The following ELAPOR1 variants were observed in gnomAD, a reference collection of about 807,000 sequenced individuals.
The protein encoded by ELAPOR1 is endosome/lysosome-associated apoptosis and autophagy regulator 1.
A neutral mutation model predicts 119.7 loss-of-function variants in ELAPOR1; 77 were observed. The observed-to-expected ratio is 0.64, with a 90% CI of 0.54 to 0.78. ELAPOR1 has a LOEUF of 0.78. Ranked by LOEUF, ELAPOR1 falls within the 30% of genes least tolerant of loss-of-function variation. ELAPOR1 has a pLI of 0.00. For synonymous variants in ELAPOR1, 481 were observed against 487.2 expected (o/e 0.99, Z 0.17); for missense variants, 1,115 against 1,270.4 (o/e 0.88, Z 1.86).
intron 1 of ELAPOR1, among the ~76,000 whole-genome samples, chr1:109,139,157 C>A (rs536943071): frequency 3.9e-5 from 6 of 151,982 alleles, no homozygotes; most frequent in African/African-American, 1.2e-4. Context: ...TAGAGACCAG[C>A]CTGGGTAACA....
chr1:109,201,408 G>A (rs1320796450), intron 21 of ELAPOR1: 2 of 455,222 alleles, frequency 4.4e-6, no homozygotes, highest in Non-Finnish European at 4.4e-6. Context: ...GGCTGGCTTT[G>A]TGTGGGTGGG....
rs149200172 is a variant in ELAPOR1, at chr1:109,171,883, G to A, written c.485G>A (p.Arg162Gln). 864 of 1,614,160 alleles carry A rather than the reference G, an allele frequency of 5.4e-4. 4 individuals carry two copies. The East Asian group carries it at 8.2e-3, about 15-fold the overall frequency. ...CTTCACAGGTCCAAGTGGGTTCCCC[G>A]GGGCGACTACATCGCCTCCAACACG... Reference protein sequence around the residue: ...GNCTSSKWVPRGDYIASNTDE... With the variant: ...GNCTSSKWVPQGDYIASNTDE... The change falls in exon 4 of 22, where the codon CGG becomes CAG. Residue 162 changes from arginine (R) to glutamine (Q), a missense_variant. Coordinates refer to ENST00000369939, the MANE Select transcript of ELAPOR1 (RefSeq NM_020775.5).
chr1:109,201,218 C>T (rs1654154590), intron 21 of ELAPOR1: 1 of 474,446 alleles, frequency 2.1e-6, no homozygotes, highest in Non-Finnish European at 4.1e-6. Context: ...ATCCCCTACT[C>T]CTTTTTTTAT....
At position 109,165,229 on chromosome 1, in the gene ELAPOR1, T is replaced by C. The variant is rs193195342; in HGVS notation, c.467+538T>C. On this transcript the variant is annotated intron_variant, in intron 3 of 21. Coordinates refer to ENST00000369939, the MANE Select transcript of ELAPOR1 (RefSeq NM_020775.5). Reference sequence around the variant, plus strand: ...ATAACTTGAGCCTAGGAGTTCAAGGTTAGACTGAGCTATGACCGCACCACT... The same window carrying C: ...ATAACTTGAGCCTAGGAGTTCAAGGCTAGACTGAGCTATGACCGCACCACT... Among the ~76,000 whole-genome samples the C allele has an allele frequency of 1.5e-3, 226 of 152,088 alleles. 1 individual carries two copies. The highest frequency in any genetic ancestry group is 5.2e-3 in the African/African-American group (217 of 41,476).
intron 7 of ELAPOR1, among the ~76,000 whole-genome samples, chr1:109,177,694 G>T (rs1051233180): frequency 1.3e-5 from 2 of 152,032 alleles, no homozygotes; most frequent in Non-Finnish European, 2.9e-5. Flanking sequence ...TTATCTGTAA[G>T]TCTAGATTCC....
intron 7 of ELAPOR1, among the ~76,000 whole-genome samples, chr1:109,181,457 G>T (rs139052673): frequency 1.3e-5 from 2 of 152,270 alleles, no homozygotes; most frequent in Non-Finnish European, 2.9e-5. Context: ...GGGAAAGGAG[G>T]TTGGTCTCAG....
chr1:109,119,104 C>T lies in ELAPOR1; in HGVS notation c.153+4768C>T, dbSNP rs151264488. 1.2e-4 allele frequency among the ~76,000 whole-genome samples: 18 copies of T among 152,114 alleles called. No individual in the cohort carries two copies. The East Asian group carries it at 3.3e-3, about 28-fold the overall frequency. On this transcript the variant is annotated intron_variant, in intron 1 of 21. Coordinates refer to ENST00000369939, the MANE Select transcript of ELAPOR1 (RefSeq NM_020775.5). ...TAGAGATGGGATTTCATCATGTTGG[C>T]CAGGCTGGTCTTGAACTCCTGACCT...
intron 7 of ELAPOR1, among the ~76,000 whole-genome samples, chr1:109,182,425 A>T (rs375145053): frequency 6.6e-6 from 1 of 152,152 alleles, no homozygotes; most frequent in Non-Finnish European, 1.5e-5. Flanking sequence ...ACAATGTGCC[A>T]GGTAGGTACT....
Position 109,197,561 on chromosome 1 carries a change from T to C in ELAPOR1, c.2209T>C (p.Tyr737His). 6.2e-7 allele frequency: 1 copy of C among 1,614,224 alleles called. No homozygotes were observed. Among genetic ancestry groups the C allele is most frequent in the Non-Finnish European group, 8.5e-7 (1 of 1,180,038 alleles). ...AGGGTTCTCCAAATCTATCACAGCC[T>C]ACGTCTGCCAGGCAGTCATCATCCC... Reference protein sequence around the residue: ...ESGFSKSITAYVCQAVIIPPE... With the variant: ...ESGFSKSITAHVCQAVIIPPE... Residue 737 changes from tyrosine to histidine, a missense_variant, in exon 16 of 22, where the codon TAC becomes CAC. Physicochemically the swap from Tyr to His is moderately conservative, Grantham distance 83 (BLOSUM62 2). Transcript: ENST00000369939.
At chr1:109,189,821 C>T in intron 11 of ELAPOR1, 139 bp downstream of exon 11, 2 of 691,072 alleles carry the variant, frequency 2.9e-6, no homozygotes, top group Non-Finnish European at 5.0e-6. Flanking sequence ...ACAGAGGGTA[C>T]AGTTTGACCG....
At chr1:109,157,119 T>G (rs548085983) in intron 1 of ELAPOR1, among the ~76,000 whole-genome samples, 1 of 152,326 alleles carries the variant, frequency 6.6e-6, no homozygotes, top group South Asian at 2.1e-4. Context: ...TTGGCTTTCC[T>G]TGCAGTTTTT....
chr1:109,196,686 C>T (rs1653814830), intron 15 of ELAPOR1, among the ~76,000 whole-genome samples: 1 of 138,738 alleles, frequency 7.2e-6, no homozygotes, highest in Non-Finnish European at 1.6e-5. Flanking sequence ...CCAGATTTAG[C>T]ACTTTTTTTT....
intron 1 of ELAPOR1, among the ~76,000 whole-genome samples, chr1:109,135,433 G>T (rs1005368814): frequency 6.6e-6 from 1 of 152,018 alleles, no homozygotes; most frequent in African/African-American, 2.4e-5. Flanking sequence ...TAGTAGAAAC[G>T]GTTTCACCAC....
chr1:109,187,060 A>C, intron 8 of ELAPOR1: 2 of 985,532 alleles, frequency 2.0e-6, no homozygotes, highest in Non-Finnish European at 2.4e-6. Context: ...GGTTCTGCTC[A>C]GTCTGGTGAT....
chr1:109,137,605 G>A (rs1649559550), intron 1 of ELAPOR1, among the ~76,000 whole-genome samples: 1 of 152,020 alleles, frequency 6.6e-6, no homozygotes. Flanking sequence ...TCGGCTCACT[G>A]CAACCTCTGC....
rs146524822 is a variant in ELAPOR1 at position 109,119,660 on chromosome 1, C to T, written c.153+5324C>T. ...TTATTGTATGTTACTATATTTTGTG[C>T]ATTTTCGGTGTTGTAAAATACTCCT... On this transcript the variant is annotated intron_variant, in intron 1 of 21. Transcript: ENST00000369939. 3.0e-3 allele frequency among the ~76,000 whole-genome samples: 460 copies of T among 152,230 alleles called. 1 individual carries two copies. Among genetic ancestry groups the T allele is most frequent in the Non-Finnish European group, 5.4e-3 (366 of 68,018 alleles).
At chr1:109,198,805 A>C in intron 18 of ELAPOR1, 131 bp downstream of exon 18, 1 of 728,910 alleles carries the variant, frequency 1.4e-6, no homozygotes, top group Non-Finnish European at 2.3e-6. Flanking sequence ...GCTTAGGGGC[A>C]CAGTCATGGC....
At chr1:109,154,448 G>A (rs528477387) in intron 1 of ELAPOR1, among the ~76,000 whole-genome samples, 1 of 152,134 alleles carries the variant, frequency 6.6e-6, no homozygotes, top group African/African-American at 2.4e-5. Flanking sequence ...GGAGACTGAG[G>A]GTAGAATGAA....
intron 1 of ELAPOR1, among the ~76,000 whole-genome samples, chr1:109,133,266 G>T (rs1254849574): frequency 6.6e-6 from 1 of 151,432 alleles, no homozygotes; most frequent in Non-Finnish European, 1.5e-5. Context: ...GACAAATGCA[G>T]AAAGAATCAT....
Sources: gnomAD v4.1 joint callset for allele counts (sites outside exome capture counted in the v4.1 genomes callset) on GRCh38, gnomAD v4.1.1 for gene constraint, MANE v1.5 for transcripts, NCBI Gene and HGNC (gene_info 2026-07-23, HGNC 2026-07-21) for gene names.